Variants in ZNF326 observed in about 807,000 individuals in gnomAD.
The protein encoded by ZNF326 is zinc finger protein 326, also known as DBIRD complex subunit ZNF326.
Under a neutral mutation model 63.1 loss-of-function variants are expected in ZNF326, and 30 were observed. That is an observed-to-expected ratio of 0.48 (90% CI 0.36 to 0.64). ZNF326 has a LOEUF of 0.64. Among genes scored for constraint, ZNF326 ranks in the 30% least tolerant of loss-of-function variants. The pLI is 0.00. For synonymous variants in ZNF326, 194 were observed against 228.2 expected (o/e 0.85, Z 1.35); for missense variants, 609 against 720.3 (o/e 0.85, Z 1.77).
Position 90,027,583 on chromosome 1 carries a change from TA to T in ZNF326, c.1632del (p.Val546Ter), listed in dbSNP as rs755637490. Reference protein sequence around the residue: ...NIQGVGEGGEVGVVGEVEGVG... With the variant: ...NIQGVGEGGEXGVVGEVEGVG... ...CAGGGAGTAGGGGAAGGAGGGGAAG[TA>T]GGGGTAGTGGGAGAAGTAGAGGGAG... On this transcript the variant is annotated frameshift_variant, in exon 12 of 12. Transcript: ENST00000340281. LOFTEE classifies it low-confidence loss of function (END_TRUNC). The T allele has an allele frequency of 6.4e-7, 1 of 1,559,168 alleles. No homozygotes were observed. The highest frequency in any genetic ancestry group is 1.1e-5 in the South Asian group (1 of 88,440).
Position 90,032,679 on chromosome 1 carries a change from A to G in ZNF326, c.*4978A>G, listed in dbSNP as rs961726052. The G allele has an allele frequency of 6.6e-6, 1 of 152,228 alleles. No homozygotes were observed. Among genetic ancestry groups the G allele is most frequent in the African/African-American group, 2.4e-5 (1 of 41,452 alleles). 9.4% of individuals were successfully genotyped at this position (152,228 alleles called of 1,614,324 possible). A position where few individuals can be genotyped will look rare whatever the true frequency, so the allele number is the denominator to read the frequency against. ...TAATTAAAGAATTACCTCCAGTTGT[A>G]GAGACAGCTCTGAGATGGGGTGTCT... is the stretch of plus-strand genomic sequence containing the variant. On this transcript the variant is annotated 3_prime_UTR_variant, in exon 12 of 12. Coordinates refer to ENST00000340281, the MANE Select transcript of ZNF326 (RefSeq NM_182976.4).
Position 90,010,162 on chromosome 1 carries a change from A to T in ZNF326, c.690A>T (p.Thr230=). ...ATCAAAACAAATCCACCAATGTGAC[A>T]GTTGCTGCTGCAAGAGGAATAAAGA... ...VDYQNKSTNV[T]VAAARGIKRK... The change falls in exon 6 of 12, where the codon ACA becomes ACT. Residue 230 remains threonine, a synonymous_variant. Transcript: ENST00000340281. 1 of 1,613,918 alleles carries T rather than the reference A, an allele frequency of 6.2e-7. No individual in the cohort carries two copies. The highest frequency in any genetic ancestry group is 8.5e-7 in the Non-Finnish European group (1 of 1,179,852).
In ZNF326 at chr1:90,018,688, T is replaced by C; in HGVS notation, c.1078T>C (p.Cys360Arg). ...DKVVMEFLHE[C>R]MVNKFKKTSI... ...TTCTTTCTATTTTGTTTTCTAGGAG[T>C]GTATGGTGAATAAATTCAAGAAAAC... is the stretch of plus-strand genomic sequence containing the variant. The change falls in exon 9 of 12, where the codon TGT becomes CGT. Residue 360 changes from cysteine (C) to arginine (R), a missense_variant. By Grantham distance (180) the Cys-to-Arg change is radical. This residue lies in a region of ZNF326 where 399 missense variants were observed against 444.3 expected (regional missense o/e 0.90). Transcript: ENST00000340281. 1 of 1,566,062 alleles carries C rather than the reference T, an allele frequency of 6.4e-7. No homozygotes were observed. The highest frequency in any genetic ancestry group is 8.7e-7 in the Non-Finnish European group (1 of 1,152,776).
intron 4 of ZNF326, chr1:90,006,110 T>A (rs1226076356): frequency 1.0e-6 from 1 of 985,318 alleles, no homozygotes; most frequent in Non-Finnish European, 1.2e-6. Context: ...TGAATGATGC[T>A]TACTTTCCTT....
At chr1:90,025,968 C>CTTT (rs755399695) in intron 11 of ZNF326, among the ~76,000 whole-genome samples, 1 of 136,310 alleles carries the variant, frequency 7.3e-6, no homozygotes, top group Admixed American at 7.4e-5. Flanking sequence ...TGTTCCTTCA[C>CTTT]TTTTTTTTTT....
chr1:90,017,659 AATT>A (rs1346474849), intron 8 of ZNF326, among the ~76,000 whole-genome samples, 195 bp downstream of exon 8: 22 of 152,236 alleles, frequency 1.4e-4, no homozygotes, highest in African/African-American at 5.3e-4. Context: ...TTATTTCAGA[AATT>A]ATTACATTTT....
At position 90,010,393 on chromosome 1, in the gene ZNF326, T is replaced by A. The variant is rs542583919; in HGVS notation, c.814+107T>A. 5 of 1,106,856 alleles carry A rather than the reference T, an allele frequency of 4.5e-6. No individual in the cohort carries two copies. In the African/African-American group the frequency reaches 7.9e-5, roughly 18 times the overall value. 68.6% of individuals were successfully genotyped at this position (1,106,856 alleles called of 1,614,324 possible). Reference sequence around the variant, plus strand: ...TTTATATACAGAAACTACATAACAATTATGATTGTAGAAGTTAGATCTGTA... The same window carrying A: ...TTTATATACAGAAACTACATAACAAATATGATTGTAGAAGTTAGATCTGTA... On this transcript the variant is annotated intron_variant, in intron 6 of 11. Transcript: ENST00000340281.
rs1032337750 is a variant in ZNF326, at chr1:90,029,707, G to A, written c.*2006G>A. 1 of 152,106 alleles carries A rather than the reference G, an allele frequency of 6.6e-6. No individual in the cohort carries two copies. Among genetic ancestry groups the A allele is most frequent in the African/African-American group, 2.4e-5 (1 of 41,414 alleles). 9.4% of individuals were successfully genotyped at this position (152,106 alleles called of 1,614,324 possible). On this transcript the variant is annotated 3_prime_UTR_variant, in exon 12 of 12. Coordinates refer to ENST00000340281, the MANE Select transcript of ZNF326 (RefSeq NM_182976.4). ...GTAACAAGAATCCTATGTAACAACT[G>A]GGTAAATGTTTTAGAATGAGAGATA...
chr1:89,995,387 G>A (rs568325305), intron 1 of ZNF326, 114 bp downstream of exon 1: 37 of 1,353,374 alleles, frequency 2.7e-5, no homozygotes, highest in Non-Finnish European at 3.6e-5. Flanking sequence ...CGGGCCCGGA[G>A]GCCGCCCGCC....
At chr1:89,995,408 C>T in intron 1 of ZNF326, 135 bp downstream of exon 1, 1 of 1,224,898 alleles carries the variant, frequency 8.2e-7, no homozygotes, top group African/African-American at 1.6e-5. Context: ...CGCCCCGGGC[C>T]CAGCGCCCGG....
At chr1:89,996,418 A>T (rs1172080258) in intron 1 of ZNF326, among the ~76,000 whole-genome samples, 1 of 152,254 alleles carries the variant, frequency 6.6e-6, no homozygotes, top group East Asian at 1.9e-4. Flanking sequence ...TAAAGCTTTC[A>T]TATCTAGGTA....
chr1:89,995,510 G>T (rs1570928297), intron 1 of ZNF326, among the ~76,000 whole-genome samples: 2 of 152,370 alleles, frequency 1.3e-5, no homozygotes, highest in East Asian at 3.9e-4. Flanking sequence ...CCGGTAGGAC[G>T]CGCCTAGAGC....
chr1:90,026,465 A>G (rs1226685173), intron 11 of ZNF326, among the ~76,000 whole-genome samples: 1 of 152,224 alleles, frequency 6.6e-6, no homozygotes, highest in East Asian at 1.9e-4. Flanking sequence ...GCAAATTTAT[A>G]GCTGCCTATT....
chr1:90,010,014 C>A, intron 5 of ZNF326, 74 bp from the exon 6 acceptor site: 2 of 1,443,566 alleles, frequency 1.4e-6, no homozygotes, highest in South Asian at 1.3e-5. Context: ...AGATAGTTAA[C>A]ATGAAAATTT....
At chr1:90,023,378 C>A (rs545149889) in intron 11 of ZNF326, among the ~76,000 whole-genome samples, 1 of 152,168 alleles carries the variant, frequency 6.6e-6, no homozygotes, top group Non-Finnish European at 1.5e-5. Flanking sequence ...TGACTCTTAA[C>A]AGCTACTCTG....
chr1:90,010,717 T>C (rs983706046), intron 6 of ZNF326, among the ~76,000 whole-genome samples: 10 of 152,256 alleles, frequency 6.6e-5, no homozygotes, highest in African/African-American at 2.2e-4. Flanking sequence ...TTAAAATAAC[T>C]TTTTCCCTAA....
intron 6 of ZNF326, among the ~76,000 whole-genome samples, chr1:90,012,827 A>G (rs766209046): frequency 1.9e-4 from 29 of 152,184 alleles, no homozygotes; most frequent in Non-Finnish European, 3.5e-4. Flanking sequence ...TAAGGATATT[A>G]TTGCTTAGAA....
At chr1:90,003,595 G>A (rs1648808061) in intron 2 of ZNF326, among the ~76,000 whole-genome samples, 1 of 152,186 alleles carries the variant, frequency 6.6e-6, no homozygotes, top group Non-Finnish European at 1.5e-5. Flanking sequence ...GAGAGTATCA[G>A]TAAAAGTTTT....
At chr1:90,018,870 A>C (rs1649625870) in intron 9 of ZNF326, 86 bp downstream of exon 9, 3 of 714,408 alleles carry the variant, frequency 4.2e-6, no homozygotes, top group Non-Finnish European at 6.7e-6. Context: ...TAGCCACTAG[A>C]GTGATATAGT....
Sources: gnomAD v4.1 joint callset for allele counts (sites outside exome capture counted in the v4.1 genomes callset) on GRCh38, gnomAD v4.1.1 for gene constraint, gnomAD v4.1.1 regional missense constraint, MANE v1.5 for transcripts, NCBI Gene and HGNC (gene_info 2026-07-23, HGNC 2026-07-21) for gene names.